Variants in UGT1A6 observed in about 807,000 individuals in gnomAD.
The protein encoded by UGT1A6 is UDP glucuronosyltransferase family 1 member A6.
In UGT1A6, 32 loss-of-function variants were observed where a neutral mutation model predicts 44.4. The observed-to-expected ratio is 0.72, with a 90% CI of 0.54 to 0.97. The LOEUF is 0.97. UGT1A6 is among the 50% of genes least tolerant of loss of function. UGT1A6 has a pLI of 0.00. For synonymous variants in UGT1A6, 238 were observed against 248.5 expected (o/e 0.96, Z 0.40); for missense variants, 685 against 661.9 (o/e 1.03, Z -0.38).
rs367754114 is a variant in UGT1A6 at position 233,752,975 on chromosome 2, T to G, written c.862-14059T>G. On this transcript the variant is annotated intron_variant, in intron 1 of 4. Coordinates refer to ENST00000305139, the MANE Select transcript of UGT1A6 (RefSeq NM_001072.4). ...AATGGGATTTATGTAACCAATTGTG[T>G]AGATACAAACCCACTCATTCTATCC... Among the ~76,000 whole-genome samples, 45 of 152,332 alleles carry G rather than the reference T, an allele frequency of 3.0e-4. 2 individuals carry two copies. In the East Asian group the frequency reaches 7.1e-3, roughly 24 times the overall value.
intron 1 of UGT1A6, among the ~76,000 whole-genome samples, chr2:233,728,857 A>G (rs1164474909): frequency 6.6e-6 from 1 of 152,224 alleles, no homozygotes; most frequent in Admixed American, 6.5e-5. Flanking sequence ...TGGATGAGAA[A>G]CAAGAGCTTG....
chr2:233,758,661 T>C (rs1290185814), intron 1 of UGT1A6, among the ~76,000 whole-genome samples: 2 of 152,178 alleles, frequency 1.3e-5, no homozygotes, highest in Non-Finnish European at 2.9e-5. Context: ...GGTACCCTAA[T>C]TACCTGTTAA....
Position 233,754,563 on chromosome 2 carries a change from C to T in UGT1A6, c.862-12471C>T, listed in dbSNP as rs1133493. 9 of 399,474 alleles carry T rather than the reference C, an allele frequency of 2.3e-5. No homozygotes were observed. The East Asian group carries it at 2.9e-4, about 13-fold the overall frequency. 24.7% of individuals were successfully genotyped at this position (399,474 alleles called of 1,614,324 possible). On this transcript the variant is annotated intron_variant, in intron 1 of 4. Transcript: ENST00000305139. ...GGAATTACTTGGTGTCAATGGGGAG[C>T]AACTGCTCTATGCCGTTTATTATGA... is the stretch of plus-strand genomic sequence containing the variant.
At chr2:233,717,172 G>A (rs557885764) in intron 1 of UGT1A6, among the ~76,000 whole-genome samples, 1 of 152,170 alleles carries the variant, frequency 6.6e-6, no homozygotes, top group Non-Finnish European at 1.5e-5. Context: ...CTTGAATGTG[G>A]CAAGAGCACC....
At position 233,720,736 on chromosome 2, in the gene UGT1A6, C is replaced by T. The variant is rs186867201; in HGVS notation, c.861+26871C>T. 4.2e-3 allele frequency among the ~76,000 whole-genome samples: 630 copies of T among 148,874 alleles called. 11 individuals are homozygous for T. Among genetic ancestry groups the T allele is most frequent in the African/African-American group, 0.015 (595 of 40,300 alleles). ...TTTTTTTTTTCTTGAGACTGAGCCT[C>T]GTTCTGTCGCCCAGGCTGGAGGGCA... is the stretch of plus-strand genomic sequence containing the variant. On this transcript the variant is annotated intron_variant, in intron 1 of 4. Transcript: ENST00000305139.
At chr2:233,705,423 T>C (rs935031731) in intron 1 of UGT1A6, among the ~76,000 whole-genome samples, 2 of 152,256 alleles carry the variant, frequency 1.3e-5, no homozygotes, top group Non-Finnish European at 2.9e-5. Context: ...CAGAGGTGGC[T>C]CATAACTTAT....
chr2:233,721,810 C>A (rs559553943), intron 1 of UGT1A6: 84 of 514,692 alleles, frequency 1.6e-4, no homozygotes, highest in Non-Finnish European at 3.0e-4. Flanking sequence ...CAGCAAAAAT[C>A]CAGCACCCTA....
Position 233,755,049 on chromosome 2 carries a change from T to TCCGC in UGT1A6, c.862-11982_862-11979dup, listed in dbSNP as rs1457280659. The TCCGC allele has an allele frequency of 3.8e-6, 5 of 1,330,832 alleles. No homozygotes were observed. In the South Asian group the frequency reaches 5.7e-5, roughly 15 times the overall value. The allele number at this position is 1,330,832 out of a possible 1,614,324, so 82.4% of individuals were successfully genotyped here. ...GGGCCTGCCGCCTGCGCAGCCGCCC[T>TCCGC]CCGCCCTCGCCTCGCCATAGCGGTC... On this transcript the variant is annotated intron_variant, in intron 1 of 4. Coordinates refer to ENST00000305139, the MANE Select transcript of UGT1A6 (RefSeq NM_001072.4).
intron 1 of UGT1A6, chr2:233,742,079 T>C (rs1691866087): frequency 6.6e-6 from 1 of 151,874 alleles, no homozygotes; most frequent in Non-Finnish European, 1.5e-5. Flanking sequence ...GGAGATCCTT[T>C]TTTTACATTT....
At chr2:233,742,942 C>G (rs1321055603) in intron 1 of UGT1A6, 1 of 213,758 alleles carries the variant, frequency 4.7e-6, no homozygotes, top group South Asian at 7.7e-5. Context: ...TGTCCTACCA[C>G]TAGCAAATAA....
At chr2:233,743,626 G>A (rs1399385903) in intron 1 of UGT1A6, 6 of 1,367,322 alleles carry the variant, frequency 4.4e-6, no homozygotes, top group Non-Finnish European at 5.9e-6. Flanking sequence ...TGAAGACGTC[G>A]GCTGGGTCGC....
At chr2:233,732,616 A>G (rs1187431518) in intron 1 of UGT1A6, among the ~76,000 whole-genome samples, 2 of 152,194 alleles carry the variant, frequency 1.3e-5, no homozygotes, top group African/African-American at 4.8e-5. Flanking sequence ...AAATGGTTGT[A>G]GATGTGTGGT....
At position 233,693,547 on chromosome 2, in the gene UGT1A6, A is replaced by C; in HGVS notation, c.543A>C (p.Thr181=). 6.2e-7 allele frequency: 1 copy of C among 1,614,164 alleles called. No homozygotes were observed. Among genetic ancestry groups the C allele is most frequent in the Non-Finnish European group, 8.5e-7 (1 of 1,180,012 alleles). ...GTTTTCCGTGTTCCCTGGAGCATACATTCAGCAGAAGCCCAGACCCTGTGT... is the reference window on the plus strand; with the variant it reads ...GTTTTCCGTGTTCCCTGGAGCATACCTTCAGCAGAAGCCCAGACCCTGTGT... The part of the protein sequence containing the change: ...FRGFPCSLEH[T]FSRSPDPVSY... The change falls in exon 1 of 5, where the codon ACA becomes ACC. Residue 181 remains threonine (T), a synonymous_variant. Coordinates refer to ENST00000305139, the MANE Select transcript of UGT1A6 (RefSeq NM_001072.4).
At chr2:233,705,327 A>G (rs922136866) in intron 1 of UGT1A6, among the ~76,000 whole-genome samples, 6 of 152,132 alleles carry the variant, frequency 3.9e-5, no homozygotes, top group African/African-American at 1.4e-4. Context: ...TCAGCAACAC[A>G]TTCTCTCAAT....
chr2:233,711,832 G>A (rs536118368), intron 1 of UGT1A6, among the ~76,000 whole-genome samples: 12 of 152,322 alleles, frequency 7.9e-5, no homozygotes, highest in Non-Finnish European at 1.8e-4. Context: ...AGGACAAGGA[G>A]GCGTCAGCAA....
chr2:233,717,564 G>A (rs569646597), intron 1 of UGT1A6, among the ~76,000 whole-genome samples: 3 of 152,318 alleles, frequency 2.0e-5, no homozygotes, highest in African/African-American at 7.2e-5. Context: ...GGCAGACATG[G>A]CCAGGCATGT....
At chr2:233,760,837 A>G in intron 1 of UGT1A6, 2 of 1,613,782 alleles carry the variant, frequency 1.2e-6, no homozygotes, top group Non-Finnish European at 1.7e-6. Flanking sequence ...ATTTGAGGCT[A>G]CCCAGTGCCC....
intron 1 of UGT1A6, among the ~76,000 whole-genome samples, chr2:233,720,006 T>G (rs1403033451): frequency 6.6e-6 from 1 of 152,190 alleles, no homozygotes; most frequent in Non-Finnish European, 1.5e-5. Context: ...CATTCAGAAC[T>G]GATCCATCCT....
At chr2:233,747,199 G>C in intron 1 of UGT1A6, 1 of 1,604,214 alleles carries the variant, frequency 6.2e-7, no homozygotes, top group African/African-American at 1.3e-5. Context: ...TCAGCTGTCC[G>C]TGTCTTCTGC....
Sources: gnomAD v4.1 joint callset for allele counts (sites outside exome capture counted in the v4.1 genomes callset) on GRCh38, gnomAD v4.1.1 for gene constraint, MANE v1.5 for transcripts, NCBI Gene and HGNC (gene_info 2026-07-23, HGNC 2026-07-21) for gene names.